The following EPHA3 variants were observed in gnomAD, a reference collection of about 807,000 sequenced individuals.
The protein encoded by EPHA3 is ephrin type-A receptor 3.
Under a neutral mutation model 107.1 loss-of-function variants are expected in EPHA3, and 42 were observed. The ratio of observed to expected loss-of-function variants is 0.39; its 90% CI spans 0.31 to 0.51. The LOEUF is 0.51. Ranked by LOEUF, EPHA3 falls within the 20% of genes least tolerant of loss-of-function variation. EPHA3 has a pLI of 0.78. For synonymous variants in EPHA3, 461 were observed against 424.8 expected (o/e 1.09, Z -1.05); for missense variants, 1,183 against 1,211.2 (o/e 0.98, Z 0.35).
At chr3:89,414,047 A>G (rs971284868) in intron 10 of EPHA3, among the ~76,000 whole-genome samples, 2 of 151,614 alleles carry the variant, frequency 1.3e-5, no homozygotes, top group African/African-American at 4.8e-5. Flanking sequence ...TAATCCTTCA[A>G]TGTCACTCCC....
At chr3:89,359,142 A>G (rs1040256289) in intron 5 of EPHA3, among the ~76,000 whole-genome samples, 1 of 151,272 alleles carries the variant, frequency 6.6e-6, no homozygotes, top group Non-Finnish European at 1.5e-5. Context: ...AGTAATTAGT[A>G]TGAAAGTGAC....
chr3:89,328,722 A>C (rs1026899182), intron 3 of EPHA3, among the ~76,000 whole-genome samples: 1 of 152,178 alleles, frequency 6.6e-6, no homozygotes, highest in Admixed American at 6.6e-5. Context: ...AATGCACTTA[A>C]TACCTTTAAG....
chr3:89,195,992 A>G (rs1705828865), intron 2 of EPHA3, among the ~76,000 whole-genome samples: 1 of 152,040 alleles, frequency 6.6e-6, no homozygotes, highest in African/African-American at 2.4e-5. Flanking sequence ...TTCTGCTCAG[A>G]TCCCAGGATT....
chr3:89,186,984 G>A (rs1576214055), intron 2 of EPHA3, among the ~76,000 whole-genome samples: 4 of 151,588 alleles, frequency 2.6e-5, no homozygotes, highest in African/African-American at 9.7e-5. Context: ...TTTATGTTTC[G>A]TCTTCTAATA....
chr3:89,438,241 T>G (rs190094212), intron 13 of EPHA3, among the ~76,000 whole-genome samples: 2,071 of 152,120 alleles, frequency 0.014, 22 homozygotes, highest in Non-Finnish European at 0.024. Context: ...CCGGAGTAGC[T>G]GGGACCACAG....
chr3:89,398,005 T>C (rs1474960745), intron 6 of EPHA3, among the ~76,000 whole-genome samples: 1 of 152,214 alleles, frequency 6.6e-6, no homozygotes, highest in South Asian at 2.1e-4. Context: ...TTTAAATACA[T>C]ATTTGCATCA....
At chr3:89,386,353 CTTG>C (rs965851431) in intron 5 of EPHA3, among the ~76,000 whole-genome samples, 3 of 152,180 alleles carry the variant, frequency 2.0e-5, no homozygotes, top group South Asian at 2.1e-4. Context: ...AGCATTGAGA[CTTG>C]TTGTCCTGTG....
chr3:89,429,956 G>GT (rs1404483306), intron 12 of EPHA3, among the ~76,000 whole-genome samples: 9 of 152,044 alleles, frequency 5.9e-5, no homozygotes, highest in African/African-American at 2.2e-4. Flanking sequence ...TAGAGGTGGT[G>GT]TTTCACCATG....
chr3:89,408,218 C>G, intron 9 of EPHA3, 87 bp downstream of exon 9: 2 of 1,271,880 alleles, frequency 1.6e-6, no homozygotes, highest in Non-Finnish European at 2.2e-6. Flanking sequence ...TTCCTCCTGA[C>G]AAAGAGACTT....
chr3:89,439,658 A>ATG (rs1274257409), intron 13 of EPHA3, among the ~76,000 whole-genome samples: 6 of 152,016 alleles, frequency 3.9e-5, no homozygotes, highest in Non-Finnish European at 8.8e-5. Flanking sequence ...GAATATATAT[A>ATG]AAAAATACAA....
At chr3:89,129,623 AACTG>A (rs1274280730) in intron 2 of EPHA3, among the ~76,000 whole-genome samples, 1 of 146,488 alleles carries the variant, frequency 6.8e-6, no homozygotes, top group Non-Finnish European at 1.5e-5. Context: ...TTTTTTGAGA[AACTG>A]ACCAAATTAC....
At position 89,342,057 on chromosome 3, in the gene EPHA3, T is replaced by A; in HGVS notation, c.1273T>A (p.Phe425Ile). ...VSELSSPPRQ[F>I]AAVSITTNQA... ...AGAGCTGAGCTCCCCACCAAGACAG[T>A]TTGCTGCGGTCAGCATCACAACTAA... The change falls in exon 5 of 17, where the codon TTT becomes ATT. Residue 425 changes from phenylalanine to isoleucine, a missense_variant. Coordinates refer to ENST00000336596, the MANE Select transcript of EPHA3 (RefSeq NM_005233.6). The A allele has an allele frequency of 6.2e-7, 1 of 1,609,858 alleles. No individual in the cohort carries two copies. The highest frequency in any genetic ancestry group is 8.5e-7 in the Non-Finnish European group (1 of 1,178,926).
intron 1 of EPHA3, among the ~76,000 whole-genome samples, chr3:89,118,494 G>A (rs1707306286): frequency 6.6e-6 from 1 of 151,628 alleles, no homozygotes; most frequent in Non-Finnish European, 1.5e-5. Flanking sequence ...CTTTCCAAAG[G>A]TGATCCTTTG....
intron 5 of EPHA3, among the ~76,000 whole-genome samples, chr3:89,350,708 T>C (rs1707791714): frequency 6.6e-6 from 1 of 151,064 alleles, no homozygotes; most frequent in Admixed American, 6.6e-5. Flanking sequence ...TTTTAGAGTT[T>C]CCAGTTTTTC....
chr3:89,312,156 CAT>C (rs2107362783), intron 3 of EPHA3, among the ~76,000 whole-genome samples: 1 of 152,076 alleles, frequency 6.6e-6, no homozygotes, highest in Admixed American at 6.6e-5. Flanking sequence ...CTTTTGGTCA[CAT>C]ATATTTATAA....
intron 5 of EPHA3, among the ~76,000 whole-genome samples, chr3:89,387,577 T>A (rs968783790): frequency 3.3e-5 from 5 of 152,166 alleles, no homozygotes; most frequent in African/African-American, 4.8e-5. Context: ...CACTGAAGCA[T>A]TATATTTAGA....
intron 5 of EPHA3, among the ~76,000 whole-genome samples, chr3:89,369,264 AG>A (rs1297599826): frequency 6.6e-6 from 1 of 151,030 alleles, no homozygotes; most frequent in Non-Finnish European, 1.5e-5. Flanking sequence ...ACAAGGCTAT[AG>A]TAACCAAAAC....
intron 3 of EPHA3, among the ~76,000 whole-genome samples, chr3:89,305,457 T>A (rs1277719702): frequency 5.3e-5 from 8 of 152,182 alleles, no homozygotes; most frequent in African/African-American, 1.9e-4. Context: ...CATCCACCTG[T>A]AAGGTAGAAG....
intron 3 of EPHA3, among the ~76,000 whole-genome samples, chr3:89,309,129 C>A (rs1036985567): frequency 6.6e-6 from 1 of 151,968 alleles, no homozygotes; most frequent in Admixed American, 6.6e-5. Flanking sequence ...AGAAAAAGAG[C>A]CTTTGGATTT....
Sources: gnomAD v4.1 joint callset for allele counts (sites outside exome capture counted in the v4.1 genomes callset) on GRCh38, gnomAD v4.1.1 for gene constraint, MANE v1.5 for transcripts, NCBI Gene and HGNC (gene_info 2026-07-23, HGNC 2026-07-21) for gene names.